Variants in CSE1L observed in about 807,000 individuals in gnomAD.
The protein encoded by CSE1L is chromosome segregation 1 like.
Under a neutral mutation model 120.4 loss-of-function variants are expected in CSE1L, and 24 were observed. The ratio of observed to expected loss-of-function variants is 0.20; its 90% CI spans 0.14 to 0.28. The LOEUF (loss-of-function observed/expected upper bound fraction) is 0.28, where lower values mean the gene tolerates loss of function less well. Among genes scored for constraint, CSE1L ranks in the 10% least tolerant of loss-of-function variants. The pLI is 1.00. For synonymous variants in CSE1L, 402 were observed against 398.3 expected (o/e 1.01, Z -0.11); for missense variants, 830 against 1,145.2 (o/e 0.72, Z 3.97).
rs1239124111 is a variant in CSE1L at position 49,072,220 on chromosome 20, G to C, written c.769-66G>C. On this transcript the variant is annotated intron_variant, in intron 8 of 24. Transcript: ENST00000262982. Reference sequence around the variant, plus strand: ...TAAAGAGTCTAGTTCAGGAATTTCAGTTACTCCTCTTACTTATGTTAGCAT... The same window carrying C: ...TAAAGAGTCTAGTTCAGGAATTTCACTTACTCCTCTTACTTATGTTAGCAT... The C allele has an allele frequency of 3.9e-6, 6 of 1,536,706 alleles. No individual in the cohort carries two copies. The African/African-American group carries it at 8.3e-5, about 21-fold the overall frequency.
chr20:49,067,194 C>T lies in CSE1L; in HGVS notation c.481C>T (p.Arg161Cys), dbSNP rs773517903. The stretch of plus-strand genomic sequence containing the variant: ...TGTTTTACCTTAATTTTCTAGATAC[C>T]GTCATGAATTTAAGTCAAACGAGTT... ...RTAHSLFKRY[R>C]HEFKSNELWT... Residue 161 changes from arginine to cysteine, a missense_variant, in exon 6 of 25, where the codon CGT (arginine) becomes TGT (cysteine). Arg to Cys is a radical substitution (Grantham distance 180, BLOSUM62 -3). Transcript: ENST00000262982. 4.4e-6 allele frequency: 7 copies of T among 1,598,356 alleles called. No individual in the cohort carries two copies. Among genetic ancestry groups the T allele is most frequent in the South Asian group, 2.3e-5 (2 of 88,656 alleles).
intron 4 of CSE1L, 35 bp from the exon 5 acceptor site, chr20:49,066,330 A>C: frequency 3.7e-6 from 6 of 1,614,134 alleles, no homozygotes; most frequent in Non-Finnish European, 5.1e-6. Context: ...GCTCCTCTGT[A>C]AAGCTCTGAT....
At chr20:49,055,699 A>G (rs548977812) in intron 1 of CSE1L, among the ~76,000 whole-genome samples, 1 of 152,304 alleles carries the variant, frequency 6.6e-6, no homozygotes, top group Non-Finnish European at 1.5e-5. Context: ...AACCTGGGCC[A>G]CAGAGCAAGA....
chr20:49,057,352 G>C (rs917271770), intron 1 of CSE1L, among the ~76,000 whole-genome samples: 1 of 151,774 alleles, frequency 6.6e-6, no homozygotes, highest in Non-Finnish European at 1.5e-5. Flanking sequence ...TAGTATTTGC[G>C]ATTACATGTT....
At chr20:49,072,761 T>C (rs753194256) in intron 10 of CSE1L, 64 bp downstream of exon 10, 8 of 1,402,336 alleles carry the variant, frequency 5.7e-6, no homozygotes, top group East Asian at 4.9e-5. Context: ...TTGTAACATA[T>C]TCAGTCTAAT....
At chr20:49,047,074 T>C (rs1349319471) in intron 1 of CSE1L, among the ~76,000 whole-genome samples, 1 of 152,148 alleles carries the variant, frequency 6.6e-6, no homozygotes, top group Non-Finnish European at 1.5e-5. Context: ...GTAACGCGGG[T>C]TGGGGGAGGG....
Position 49,072,248 on chromosome 20 carries a change from G to A in CSE1L, c.769-38G>A, listed in dbSNP as rs1320655385. ...ACTCCTCTTACTTATGTTAGCATTA[G>A]AGTTGTATGTTGGAGTTTTTGTTTT... On this transcript the variant is annotated intron_variant, in intron 8 of 24. Transcript: ENST00000262982. 13 of 1,605,444 alleles carry A rather than the reference G, an allele frequency of 8.1e-6. No homozygotes were observed. The African/African-American group carries it at 1.3e-4, about 17-fold the overall frequency.
chr20:49,064,252 T>A (rs1024274232), intron 3 of CSE1L, among the ~76,000 whole-genome samples: 1 of 152,268 alleles, frequency 6.6e-6, no homozygotes, highest in African/African-American at 2.4e-5. Context: ...GTTATGATGT[T>A]ACAAAGTATT....
At chr20:49,068,930 A>ATTTT in intron 7 of CSE1L, 108 bp downstream of exon 7, 1 of 794,316 alleles carries the variant, frequency 1.3e-6, no homozygotes, top group Non-Finnish European at 2.0e-6. Context: ...TTCTGAAAGA[A>ATTTT]AAGGTTTTTT....
At chr20:49,056,224 G>A (rs2091805617) in intron 1 of CSE1L, among the ~76,000 whole-genome samples, 1 of 151,774 alleles carries the variant, frequency 6.6e-6, no homozygotes, top group East Asian at 1.9e-4. Context: ...TCCTGCCTCA[G>A]CCACCCAAGT....
chr20:49,087,419 A>G (rs940580422), intron 16 of CSE1L, among the ~76,000 whole-genome samples: 3 of 144,424 alleles, frequency 2.1e-5, no homozygotes, highest in Non-Finnish European at 1.5e-5. Context: ...GTGCAGTGGC[A>G]TGATCTTGGC....
chr20:49,087,161 C>G (rs1458578731), intron 16 of CSE1L, among the ~76,000 whole-genome samples: 1 of 152,032 alleles, frequency 6.6e-6, no homozygotes, highest in Non-Finnish European at 1.5e-5. Flanking sequence ...CATTTATGGT[C>G]TTTTGAGCAA....
chr20:49,068,094 G>T (rs2091907405), intron 6 of CSE1L, among the ~76,000 whole-genome samples: 1 of 151,962 alleles, frequency 6.6e-6, no homozygotes, highest in African/African-American at 2.4e-5. Flanking sequence ...TAAAGAATTG[G>T]AAACAACCTA....
At chr20:49,047,149 G>A (rs992202915) in intron 1 of CSE1L, among the ~76,000 whole-genome samples, 20 of 152,252 alleles carry the variant, frequency 1.3e-4, no homozygotes, top group East Asian at 3.9e-4. Flanking sequence ...GAATTAGATC[G>A]CCTGGGTTCA....
intron 17 of CSE1L, among the ~76,000 whole-genome samples, 154 bp from the exon 18 acceptor site, chr20:49,089,093 A>C (rs949465895): frequency 7.9e-5 from 12 of 151,058 alleles, no homozygotes; most frequent in Admixed American, 7.9e-4. Context: ...GGGCCATTTA[A>C]AAAAAAATTC....
At position 49,077,084 on chromosome 20, in the gene CSE1L, C is replaced by G. The variant is rs1555824046; in HGVS notation, c.1420+20C>G. 2.6e-6 allele frequency: 4 copies of G among 1,516,118 alleles called. No individual in the cohort carries two copies. Among genetic ancestry groups the G allele is most frequent in the East Asian group, 4.6e-5 (2 of 43,314 alleles). The allele number at this position is 1,516,118 out of a possible 1,614,324, so 93.9% of individuals were successfully genotyped here. On this transcript the variant is annotated intron_variant, in intron 13 of 24. Coordinates refer to ENST00000262982, the MANE Select transcript of CSE1L (RefSeq NM_001316.4). ...CTAATGGTGAGTTGTGAAATTCTTG[C>G]TTTTTTTACAGCTTGCCACACTATA...
chr20:49,049,905 T>TG (rs1336839029), intron 1 of CSE1L, among the ~76,000 whole-genome samples: 1 of 152,142 alleles, frequency 6.6e-6, no homozygotes, highest in South Asian at 2.1e-4. Context: ...TGTGTGCCTG[T>TG]AGTCCCAGCT....
intron 1 of CSE1L, among the ~76,000 whole-genome samples, chr20:49,050,508 T>G (rs751009901): frequency 3.4e-5 from 5 of 147,958 alleles, no homozygotes; most frequent in Non-Finnish European, 7.4e-5. Flanking sequence ...GTTCAAGCAA[T>G]TCTCCTGTCT....
At chr20:49,075,169 C>T in intron 11 of CSE1L, 149 bp from the exon 12 acceptor site, 1 of 622,848 alleles carries the variant, frequency 1.6e-6, no homozygotes, top group South Asian at 2.2e-5. Context: ...TTGCTGATAG[C>T]TATTGGGTGG....
Sources: gnomAD v4.1 joint callset for allele counts (sites outside exome capture counted in the v4.1 genomes callset) on GRCh38, gnomAD v4.1.1 for gene constraint, MANE v1.5 for transcripts, NCBI Gene and HGNC (gene_info 2026-07-23, HGNC 2026-07-21) for gene names.